The following SHISA9 variants were observed in gnomAD, a reference collection of about 807,000 sequenced individuals.
SHISA9 encodes the protein protein shisa-9.
A neutral mutation model predicts 38.0 loss-of-function variants in SHISA9; 13 were observed. That is an observed-to-expected ratio of 0.34 (90% CI 0.22 to 0.54). SHISA9 has a LOEUF of 0.54. SHISA9 is among the 20% of genes least tolerant of loss of function. SHISA9 has a pLI of 0.91. For missense variants in SHISA9, 538 were observed against 575.8 expected (o/e 0.93, Z 0.67); for synonymous variants, 275 against 242.0 (o/e 1.14, Z -1.27).
intron 2 of SHISA9, among the ~76,000 whole-genome samples, chr16:13,001,070 G>T (rs886724425): frequency 2.6e-5 from 4 of 152,180 alleles, no homozygotes; most frequent in African/African-American, 9.7e-5. Context: ...TGGGACTACA[G>T]GTACCCACCA....
the SHISA9 span, among the ~76,000 whole-genome samples, chr16:13,466,382 C>T: frequency 5.3e-5 from 8 of 152,138 alleles, no homozygotes; most frequent in Non-Finnish European, 8.8e-5. Flanking sequence ...GTTAGGGCAT[C>T]CCTTAAAATT....
the SHISA9 span, among the ~76,000 whole-genome samples, chr16:13,366,471 A>G: frequency 1.3e-5 from 2 of 152,320 alleles, no homozygotes; most frequent in South Asian, 2.1e-4. Flanking sequence ...ATCTAGGGAT[A>G]CTGAGATTCT....
the SHISA9 span, among the ~76,000 whole-genome samples, chr16:13,544,408 T>A: frequency 8.1e-6 from 1 of 123,884 alleles, no homozygotes; most frequent in South Asian, 3.0e-4. Flanking sequence ...TTTTTTGTTT[T>A]TTCGGGTTTT....
intron 2 of SHISA9, among the ~76,000 whole-genome samples, chr16:13,043,575 T>C (rs2073156012): frequency 6.6e-6 from 1 of 152,226 alleles, no homozygotes; most frequent in Admixed American, 6.5e-5. Flanking sequence ...ACTAACCTAA[T>C]ATGAAGACCC....
chr16:13,132,214 T>G (rs1395164743), intron 2 of SHISA9, among the ~76,000 whole-genome samples: 1 of 152,156 alleles, frequency 6.6e-6, no homozygotes, highest in Non-Finnish European at 1.5e-5. Flanking sequence ...TGACTTTGTG[T>G]GTCTTAGTTG....
At chr16:13,018,132 G>A (rs1022756761) in intron 2 of SHISA9, among the ~76,000 whole-genome samples, 2 of 152,200 alleles carry the variant, frequency 1.3e-5, no homozygotes, top group African/African-American at 2.4e-5. Context: ...GCCTTGACCA[G>A]GTCAGCTGTT....
intron 2 of SHISA9, among the ~76,000 whole-genome samples, chr16:13,015,317 C>G (rs1567182100): frequency 6.6e-6 from 1 of 152,244 alleles, no homozygotes; most frequent in Non-Finnish European, 1.5e-5. Context: ...AAAAAGTTTA[C>G]TGACCTCTGC....
intron 2 of SHISA9, among the ~76,000 whole-genome samples, chr16:13,060,637 C>CAAAAA (rs5815739): frequency 6.9e-5 from 6 of 86,554 alleles, no homozygotes; most frequent in Admixed American, 1.4e-4. Flanking sequence ...GACCCCATCT[C>CAAAAA]AAAAAAAAAA....
the SHISA9 span, among the ~76,000 whole-genome samples, chr16:13,275,133 T>G: frequency 6.6e-6 from 1 of 152,140 alleles, no homozygotes; most frequent in African/African-American, 2.4e-5. Context: ...AGGGCTACTG[T>G]GAAGATCAAG....
intron 3 of SHISA9, among the ~76,000 whole-genome samples, chr16:13,211,449 G>A (rs558790247): frequency 3.4e-4 from 51 of 151,860 alleles, no homozygotes; most frequent in African/African-American, 1.2e-3. Context: ...TAGTGTGATT[G>A]TTTAAAAAAA....
chr16:13,498,942 C>T, the SHISA9 span, among the ~76,000 whole-genome samples: 1 of 152,090 alleles, frequency 6.6e-6, no homozygotes, highest in Non-Finnish European at 1.5e-5. Flanking sequence ...TTTTCCACCT[C>T]CTTTTGGAAA....
At chr16:13,142,081 GT>G (rs1464651475) in intron 2 of SHISA9, among the ~76,000 whole-genome samples, 1 of 152,192 alleles carries the variant, frequency 6.6e-6, no homozygotes, top group East Asian at 1.9e-4. Flanking sequence ...ACATTACAGT[GT>G]CCCCATTCTA....
intron 2 of SHISA9, among the ~76,000 whole-genome samples, chr16:13,043,288 C>T (rs1402835736): frequency 1.3e-5 from 2 of 152,170 alleles, no homozygotes; most frequent in African/African-American, 4.8e-5. Context: ...CATCCATATT[C>T]TGCTGGGCAG....
At chr16:13,344,551 C>T in the SHISA9 span, among the ~76,000 whole-genome samples, 1 of 152,082 alleles carries the variant, frequency 6.6e-6, no homozygotes, top group Non-Finnish European at 1.5e-5. Flanking sequence ...TCCCATAGTG[C>T]ATCTGCCACC....
chr16:13,561,075 G>A, the SHISA9 span, among the ~76,000 whole-genome samples: 1 of 152,122 alleles, frequency 6.6e-6, no homozygotes, highest in African/African-American at 2.4e-5. Flanking sequence ...TGTTGGCCAG[G>A]CTGGTCTCGA....
the SHISA9 span, among the ~76,000 whole-genome samples, chr16:13,508,257 A>G: frequency 6.6e-6 from 1 of 152,286 alleles, no homozygotes; most frequent in African/African-American, 2.4e-5. Context: ...AACATTTTCC[A>G]TGTGTCATTA....
chr16:12,904,248 G>A (rs1484009867), intron 1 of SHISA9, among the ~76,000 whole-genome samples: 1 of 152,138 alleles, frequency 6.6e-6, no homozygotes, highest in Non-Finnish European at 1.5e-5. Context: ...CCTTGGTAGG[G>A]AAAGATTGAC....
the SHISA9 span, among the ~76,000 whole-genome samples, chr16:13,549,754 GT>G: frequency 6.6e-6 from 1 of 152,108 alleles, no homozygotes; most frequent in Non-Finnish European, 1.5e-5. Flanking sequence ...GCCAGGTGTG[GT>G]GGCTCACACC....
At chr16:13,063,197 G>A (rs370033343) in intron 2 of SHISA9, among the ~76,000 whole-genome samples, 51 of 151,946 alleles carry the variant, frequency 3.4e-4, no homozygotes, top group East Asian at 7.8e-4. Flanking sequence ...TAGTTGAGAC[G>A]GGATTTCACT....
Sources: allele counts gnomAD v4.1 joint callset (sites outside exome capture counted in the v4.1 genomes callset), GRCh38; gene constraint gnomAD v4.1.1; transcripts MANE v1.5; gene names NCBI Gene and HGNC (gene_info 2026-07-23, HGNC 2026-07-21).